DGKI: variants seen among roughly 807,000 people sequenced by gnomAD.
DGKI encodes DAG kinase iota.
In DGKI, 55 loss-of-function variants were observed where a neutral mutation model predicts 147.5. The ratio of observed to expected loss-of-function variants is 0.37; its 90% CI spans 0.30 to 0.47. DGKI has a LOEUF of 0.47. DGKI is among the 20% of genes least tolerant of loss of function. The probability of loss-of-function intolerance (pLI) is 1.00; values close to 1 mark genes in which losing one functional copy is unlikely to be tolerated. For synonymous variants in DGKI, 469 were observed against 477.1 expected (o/e 0.98, Z 0.22); for missense variants, 1,007 against 1,323.8 (o/e 0.76, Z 3.71).
At chr7:137,708,570 T>C (rs976876783) in intron 1 of DGKI, among the ~76,000 whole-genome samples, 14 of 152,342 alleles carry the variant, frequency 9.2e-5, no homozygotes, top group South Asian at 6.2e-4. Context: ...AGAAATGGGT[T>C]TTAGAATCAG....
intron 1 of DGKI, among the ~76,000 whole-genome samples, chr7:137,837,993 G>T (rs368937530): frequency 2.0e-4 from 28 of 142,898 alleles, no homozygotes; most frequent in Middle Eastern, 3.7e-3. Flanking sequence ...TTAAAAGGGA[G>T]AAACTTTTTT....
intron 1 of DGKI, among the ~76,000 whole-genome samples, chr7:137,784,208 T>C (rs1318200842): frequency 6.6e-6 from 1 of 152,110 alleles, no homozygotes; most frequent in Non-Finnish European, 1.5e-5. Context: ...CCAACCAAGT[T>C]TCTGCTGTCT....
At chr7:137,666,816 A>C (rs1370250609) in intron 3 of DGKI, among the ~76,000 whole-genome samples, 3 of 152,140 alleles carry the variant, frequency 2.0e-5, no homozygotes, top group Non-Finnish European at 4.4e-5. Context: ...ATCCTTAAAA[A>C]TCCATAATTC....
chr7:137,827,197 G>C (rs559875463), intron 1 of DGKI, among the ~76,000 whole-genome samples: 1 of 152,070 alleles, frequency 6.6e-6, no homozygotes, highest in Non-Finnish European at 1.5e-5. Flanking sequence ...CTGGATGCAG[G>C]GTAACCAGCA....
intron 1 of DGKI, among the ~76,000 whole-genome samples, chr7:137,744,908 C>T (rs1547996): frequency 2.0e-5 from 3 of 152,012 alleles, no homozygotes; most frequent in Non-Finnish European, 4.4e-5. Context: ...AATAAGAGCC[C>T]TATATGACAA....
intron 21 of DGKI, among the ~76,000 whole-genome samples, chr7:137,506,914 T>G (rs940338633): frequency 8.5e-5 from 13 of 152,200 alleles, no homozygotes; most frequent in Admixed American, 8.5e-4. Context: ...ACAAGTGGGA[T>G]CTTTCTTTTT....
At chr7:137,609,167 C>A in intron 9 of DGKI, 103 bp from the exon 10 acceptor site, 1 of 830,654 alleles carries the variant, frequency 1.2e-6, no homozygotes. Flanking sequence ...TTTTGTTTCC[C>A]AGGGCTGACT....
At chr7:137,562,463 G>A (rs1818450369) in intron 19 of DGKI, among the ~76,000 whole-genome samples, 1 of 152,184 alleles carries the variant, frequency 6.6e-6, no homozygotes, top group Non-Finnish European at 1.5e-5. Context: ...CTGAACCTAG[G>A]AGACAGAGGT....
At chr7:137,789,882 C>T (rs1419945330) in intron 1 of DGKI, among the ~76,000 whole-genome samples, 22 of 152,144 alleles carry the variant, frequency 1.4e-4, no homozygotes, top group Non-Finnish European at 2.9e-5. Flanking sequence ...GTAGTAGATC[C>T]TCATAGTACT....
chr7:137,594,253 G>A lies in DGKI; in HGVS notation c.1311+3594C>T, dbSNP rs551512021. Among the ~76,000 whole-genome samples the A allele has an allele frequency of 2.8e-4, 43 of 152,238 alleles. 1 individual carries two copies. Among genetic ancestry groups the A allele is most frequent in the Admixed American group, 1.5e-3 (23 of 15,284 alleles). On this transcript the variant is annotated intron_variant, in intron 12 of 32. Coordinates refer to ENST00000614521, the MANE Select transcript of DGKI (RefSeq NM_001321708.2). ...ATAGAGATGGTGTTTCATCAGATTG[G>A]CCAAGCTGATCTCAAACTCCTGACC...
At position 137,654,799 on chromosome 7, in the gene DGKI, A is replaced by G; in HGVS notation, c.682-11T>C. 6.4e-7 allele frequency: 1 copy of G among 1,573,986 alleles called. No homozygotes were observed. Among genetic ancestry groups the G allele is most frequent in the Middle Eastern group, 1.7e-4 (1 of 5,970 alleles). On this transcript the variant is annotated splice_polypyrimidine_tract_variant and intron_variant, in intron 4 of 32. Transcript: ENST00000614521. Reference sequence around the variant, plus strand: ...ACATCTGAAATTAATCTGTCATTCAAAAAGAAAAGTATATTATATTAGAGA... The same window carrying G: ...ACATCTGAAATTAATCTGTCATTCAGAAAGAAAAGTATATTATATTAGAGA...
intron 21 of DGKI, among the ~76,000 whole-genome samples, chr7:137,493,207 T>C (rs1160604145): frequency 6.6e-6 from 1 of 152,106 alleles, no homozygotes; most frequent in East Asian, 1.9e-4. Context: ...CCCTGCCCTA[T>C]GTTGCCATTG....
chr7:137,631,391 C>T (rs1267453355), intron 6 of DGKI, among the ~76,000 whole-genome samples: 1 of 152,166 alleles, frequency 6.6e-6, no homozygotes, highest in African/African-American at 2.4e-5. Context: ...TTTGACTTCA[C>T]TTTGGGGTTT....
intron 1 of DGKI, among the ~76,000 whole-genome samples, chr7:137,842,075 A>C (rs1004004155): frequency 4.6e-5 from 7 of 152,246 alleles, no homozygotes; most frequent in African/African-American, 1.7e-4. Context: ...TGAGAAAGGA[A>C]TTAAATTAGA....
At chr7:137,417,585 T>C (rs1191423018) in intron 28 of DGKI, among the ~76,000 whole-genome samples, 1 of 152,182 alleles carries the variant, frequency 6.6e-6, no homozygotes, top group Non-Finnish European at 1.5e-5. Context: ...AGAGATGGCT[T>C]CTGTCATGTG....
chr7:137,405,005 C>T (rs183491285), intron 30 of DGKI, among the ~76,000 whole-genome samples: 16 of 152,084 alleles, frequency 1.1e-4, no homozygotes, highest in Non-Finnish European at 1.6e-4. Context: ...CTTGGATGAA[C>T]GGTGCTTTTA....
Position 137,391,173 on chromosome 7 carries a change from G to T in DGKI, c.*47C>A. On this transcript the variant is annotated 3_prime_UTR_variant, in exon 33 of 33. Coordinates refer to ENST00000614521, the MANE Select transcript of DGKI (RefSeq NM_001321708.2). ...GGGGAGCTGCCCAATTGCAGGGAGG[G>T]CAGATGTGATACGCTTGCTCATGTC... 7.2e-7 allele frequency: 1 copy of T among 1,393,702 alleles called. No homozygotes were observed. Among genetic ancestry groups the T allele is most frequent in the Non-Finnish European group, 1.0e-6 (1 of 980,308 alleles). The allele number at this position is 1,393,702 out of a possible 1,614,324, so 86.3% of individuals were successfully genotyped here.
At position 137,755,491 on chromosome 7, in the gene DGKI, T is replaced by C. The variant is rs36079840; in HGVS notation, c.402-65489A>G. On this transcript the variant is annotated intron_variant, in intron 1 of 32. Coordinates refer to ENST00000614521, the MANE Select transcript of DGKI (RefSeq NM_001321708.2). ...AATTGCTTCTAGGTCTAGATTGAGA[T>C]CTTTGCCTTGGTCACTCACACGTGG... Among the ~76,000 whole-genome samples the C allele has an allele frequency of 9.2e-3, 1,404 of 152,306 alleles. 5 individuals are homozygous for C. The highest frequency in any genetic ancestry group is 0.016 in the Non-Finnish European group (1,057 of 68,018).
intron 1 of DGKI, among the ~76,000 whole-genome samples, chr7:137,712,518 T>C (rs1047066555): frequency 1.3e-5 from 2 of 152,208 alleles, no homozygotes; most frequent in East Asian, 1.9e-4. Context: ...TAGAAAGATA[T>C]GTAAGCCTTT....
Sources: allele counts gnomAD v4.1 joint callset (sites outside exome capture counted in the v4.1 genomes callset), GRCh38; gene constraint gnomAD v4.1.1; transcripts MANE v1.5; gene names NCBI Gene and HGNC (gene_info 2026-07-23, HGNC 2026-07-21).